The following STK11 variants were observed in gnomAD, a reference collection of about 807,000 sequenced individuals.
The protein encoded by STK11 is serine/threonine kinase 11.
STK11 carries 8 observed loss-of-function variants against 47.3 expected under a neutral mutation model. The ratio of observed to expected loss-of-function variants is 0.17; its 90% CI spans 0.10 to 0.31. STK11 has a LOEUF of 0.31. STK11 is among the 10% of genes least tolerant of loss of function. The pLI, the probability that STK11 is intolerant of heterozygous loss-of-function variation, is 1.00. For synonymous variants in STK11, 330 were observed against 255.8 expected, an observed-to-expected ratio of 1.29 and a Z score of -2.77; for missense variants, 475 against 605.0, an observed-to-expected ratio of 0.79 and a Z score of 2.25.
chr19:1,214,969 C>T (rs1045053641), intron 1 of STK11, among the ~76,000 whole-genome samples: 51 of 152,202 alleles, frequency 3.4e-4, no homozygotes, highest in Non-Finnish European at 4.4e-5. Context: ...TTCCCCGCCC[C>T]CCGGCCACCG....
Position 1,206,949 on chromosome 19 carries a change from C to T in STK11, c.36C>T (p.Phe12=), listed in dbSNP as rs2145404533. 1 of 1,604,442 alleles carries T rather than the reference C, an allele frequency of 6.2e-7. No homozygotes were observed. Among genetic ancestry groups the T allele is most frequent in the Non-Finnish European group, 8.5e-7 (1 of 1,175,860 alleles). Residue 12 remains phenylalanine, a synonymous_variant, in exon 1 of 10, where the codon TTC becomes TTT. Coordinates refer to ENST00000326873, the MANE Select transcript of STK11 (RefSeq NM_000455.5). ...EVVDPQQLGM[F]TEGELMSVGM... ...TGGACCCGCAGCAGCTGGGCATGTTCACGGAGGGCGAGCTGATGTCGGTGG... is the reference window on the plus strand; with the variant it reads ...TGGACCCGCAGCAGCTGGGCATGTTTACGGAGGGCGAGCTGATGTCGGTGG...
At chr19:1,219,144 CCTGGGACG>C (rs1251483407) in intron 2 of STK11, among the ~76,000 whole-genome samples, 172 bp from the exon 3 acceptor site, 1 of 152,106 alleles carries the variant, frequency 6.6e-6, no homozygotes, top group African/African-American at 2.4e-5. Context: ...GCTCCTTCCT[CCTGGGACG>C]CTGGGGCCCC....
At chr19:1,224,974 C>T in intron 8 of STK11, 1 of 985,598 alleles carries the variant, frequency 1.0e-6, no homozygotes. Flanking sequence ...GTCAGGCCAT[C>T]CTCTGCGCTC....
intron 6 of STK11, 119 bp downstream of exon 6, chr19:1,221,459 G>A (rs1328396221): frequency 4.2e-6 from 6 of 1,415,120 alleles, no homozygotes; most frequent in Non-Finnish European, 3.7e-6. Context: ...GGCATTGAGA[G>A]GACTGAGTGG....
Position 1,226,182 on chromosome 19 carries a change from T to C in STK11, c.1109-272T>C, listed in dbSNP as rs1050439462. The C allele has an allele frequency of 5.3e-6, 7 of 1,313,786 alleles. No individual in the cohort carries two copies. In the Middle Eastern group the frequency reaches 1.2e-3, roughly 217 times the overall value. The allele number at this position is 1,313,786 out of a possible 1,614,324, so 81.4% of individuals were successfully genotyped here. A position where few individuals can be genotyped will look rare whatever the true frequency, so the allele number is the denominator to read the frequency against. On this transcript the variant is annotated intron_variant, in intron 8 of 9. Coordinates refer to ENST00000326873, the MANE Select transcript of STK11 (RefSeq NM_000455.5). The stretch of plus-strand genomic sequence containing the variant: ...GAGGTTCCTGCAGTCAGTACCTGGG[T>C]GGGGTCCCACCTGCGGCCATGGCAG...
Position 1,224,583 on chromosome 19 carries a change from T to A in STK11, c.1108+1411T>A, listed in dbSNP as rs540573922. 4.1e-6 allele frequency: 4 copies of A among 985,552 alleles called. No homozygotes were observed. In the East Asian group the frequency reaches 4.5e-4, roughly 112 times the overall value. 61.1% of individuals were successfully genotyped at this position (985,552 alleles called of 1,614,324 possible). A position where few individuals can be genotyped will look rare whatever the true frequency, so the allele number is the denominator to read the frequency against. Reference sequence around the variant, plus strand: ...CCCTACTGGGACGTGGACCACACGCTGACCCCCACGGCCGCCCCTGCAGGC... The same window carrying A: ...CCCTACTGGGACGTGGACCACACGCAGACCCCCACGGCCGCCCCTGCAGGC... On this transcript the variant is annotated intron_variant, in intron 8 of 9. Transcript: ENST00000326873.
intron 8 of STK11, 135 bp from the exon 9 acceptor site, chr19:1,226,319 C>T (rs1166969997): frequency 4.0e-6 from 6 of 1,486,914 alleles, no homozygotes; most frequent in African/African-American, 1.4e-5. Flanking sequence ...GCTGGATACA[C>T]CTGGGCCTGA....
chr19:1,207,769 TG>T (rs946440443), intron 1 of STK11, among the ~76,000 whole-genome samples: 4 of 152,240 alleles, frequency 2.6e-5, no homozygotes, highest in Admixed American at 6.5e-5. Context: ...GATGTGACGC[TG>T]GAAGCATCCC....
At chr19:1,225,117 G>C (rs1019769790) in intron 8 of STK11, 2 of 985,636 alleles carry the variant, frequency 2.0e-6, no homozygotes, top group Non-Finnish European at 2.4e-6. Context: ...CACCAGTGCA[G>C]ACAGGAGTGT....
chr19:1,228,341 C>G lies in STK11; in HGVS notation c.*765C>G, dbSNP rs1205934645. On this transcript the variant is annotated 3_prime_UTR_variant, in exon 10 of 10. Transcript: ENST00000326873. Reference sequence around the variant, plus strand: ...AAGAAAAACACGAGAAACGCCATCGCGGGATGGTGCAGACGCGGCGGGGAC... The same window carrying G: ...AAGAAAAACACGAGAAACGCCATCGGGGGATGGTGCAGACGCGGCGGGGAC... 1.2e-5 allele frequency: 3 copies of G among 247,324 alleles called. No homozygotes were observed. Among genetic ancestry groups the G allele is most frequent in the African/African-American group, 6.6e-5 (3 of 45,488 alleles). The allele number at this position is 247,324 out of a possible 1,614,324, so 15.3% of individuals were successfully genotyped here. A position where few individuals can be genotyped will look rare whatever the true frequency, so the allele number is the denominator to read the frequency against.
At chr19:1,224,761 G>A (rs922026658) in intron 8 of STK11, 15 of 984,606 alleles carry the variant, frequency 1.5e-5, no homozygotes, top group African/African-American at 1.8e-5. Flanking sequence ...TGTGGGTGGT[G>A]AGGAGGAGTA....
chr19:1,207,606 A>G (rs2080676894), intron 1 of STK11, among the ~76,000 whole-genome samples: 1 of 152,106 alleles, frequency 6.6e-6, no homozygotes. Flanking sequence ...GGCCGCCAAC[A>G]CGTTTTCTGC....
At position 1,223,312 on chromosome 19, in the gene STK11, C is replaced by T. The variant is rs1599929716; in HGVS notation, c.1108+140C>T. The T allele has an allele frequency of 5.5e-6, 6 of 1,092,904 alleles. No individual in the cohort carries two copies. The East Asian group carries it at 1.3e-4, about 24-fold the overall frequency. 67.7% of individuals were successfully genotyped at this position (1,092,904 alleles called of 1,614,324 possible). On this transcript the variant is annotated intron_variant, in intron 8 of 9. Coordinates refer to ENST00000326873, the MANE Select transcript of STK11 (RefSeq NM_000455.5). ...CCACGTCCCCAAAGCCTCCAGCCCA[C>T]CTGCAGGCTGCCTCCGCCCTGCGGG...
intron 8 of STK11, chr19:1,224,096 C>A: frequency 2.0e-6 from 2 of 994,578 alleles, no homozygotes; most frequent in Non-Finnish European, 2.4e-6. Context: ...CTCAGCACTC[C>A]TGGGCCCCTC....
intron 4 of STK11, 27 bp downstream of exon 4, chr19:1,220,532 G>A (rs752697686): frequency 6.3e-7 from 1 of 1,587,198 alleles, no homozygotes; most frequent in East Asian, 2.3e-5. Context: ...GGGGGCCCTG[G>A]GGCGCCCCCT....
At chr19:1,212,915 C>A (rs1032616299) in intron 1 of STK11, among the ~76,000 whole-genome samples, 2 of 151,126 alleles carry the variant, frequency 1.3e-5, no homozygotes, top group African/African-American at 4.9e-5. Context: ...AACCCCTGAC[C>A]TTAAGTAATC....
chr19:1,211,954 A>G (rs2080714088), intron 1 of STK11, among the ~76,000 whole-genome samples: 1 of 152,204 alleles, frequency 6.6e-6, no homozygotes. Context: ...TGCGCCAGCC[A>G]TGTGAGGCCT....
rs2080668677 is a variant in STK11 at position 1,206,809 on chromosome 19, T to C, written c.-105T>C. 20 of 1,387,134 alleles carry C rather than the reference T, an allele frequency of 1.4e-5. No homozygotes were observed. Among genetic ancestry groups the C allele is most frequent in the Non-Finnish European group, 1.9e-5 (20 of 1,047,690 alleles). 85.9% of individuals were successfully genotyped at this position (1,387,134 alleles called of 1,614,324 possible). ...GGGTTTTTGTTGCCTTTTTTTTTTCTTTTTTCTTTGTAAAATTTTGGAGAA... is the reference window on the plus strand; with the variant it reads ...GGGTTTTTGTTGCCTTTTTTTTTTCCTTTTTCTTTGTAAAATTTTGGAGAA... On this transcript the variant is annotated 5_prime_UTR_variant, in exon 1 of 10. Transcript: ENST00000326873.
intron 9 of STK11, chr19:1,227,143 G>T: frequency 6.0e-6 from 1 of 166,666 alleles, no homozygotes; most frequent in Non-Finnish European, 1.3e-5. Flanking sequence ...GAGTCGTGCC[G>T]GACGCTGCCC....
Sources: gnomAD v4.1 joint callset for allele counts (sites outside exome capture counted in the v4.1 genomes callset) on GRCh38, gnomAD v4.1.1 for gene constraint, MANE v1.5 for transcripts, NCBI Gene and HGNC (gene_info 2026-07-23, HGNC 2026-07-21) for gene names.